Variants in SLC44A5 observed in about 807,000 individuals in gnomAD.
SLC44A5 encodes solute carrier family 44 member 5.
SLC44A5 carries 57 observed loss-of-function variants against 101.8 expected under a neutral mutation model. The observed-to-expected ratio is 0.56, with a 90% CI of 0.45 to 0.70. The LOEUF (loss-of-function observed/expected upper bound fraction) is 0.70. SLC44A5 is among the 30% of genes least tolerant of loss of function. SLC44A5 has a pLI of 0.00. For missense variants in SLC44A5, 737 were observed against 853.1 expected, an observed-to-expected ratio of 0.86 and a Z score of 1.70; for synonymous variants, 281 against 290.9, an observed-to-expected ratio of 0.97 and a Z score of 0.35.
intron 1 of SLC44A5, among the ~76,000 whole-genome samples, chr1:75,545,324 T>G (rs1011242110): frequency 6.6e-6 from 1 of 152,164 alleles, no homozygotes; most frequent in Non-Finnish European, 1.5e-5. Flanking sequence ...ACATACGTGT[T>G]CATGTGTCTT....
At chr1:75,354,552 C>G (rs1242415293) in intron 3 of SLC44A5, among the ~76,000 whole-genome samples, 2 of 152,188 alleles carry the variant, frequency 1.3e-5, no homozygotes, top group Non-Finnish European at 2.9e-5. Flanking sequence ...GCTCCCAGAG[C>G]TTGGGGCCTT....
chr1:75,698,938 A>C, the SLC44A5 span, among the ~76,000 whole-genome samples: 1 of 152,152 alleles, frequency 6.6e-6, no homozygotes, highest in Non-Finnish European at 1.5e-5. Context: ...TGAAGCGAGA[A>C]GGGAAGTTTA....
chr1:75,450,066 AGAAAAAT>A (rs1436053413), intron 2 of SLC44A5, among the ~76,000 whole-genome samples: 1 of 152,212 alleles, frequency 6.6e-6, no homozygotes, highest in African/African-American at 2.4e-5. Flanking sequence ...TAATTCAAGA[AGAAAAAT>A]GAAAATCCAC....
the SLC44A5 span, chr1:75,642,075 G>A: frequency 1.6e-6 from 2 of 1,263,888 alleles, no homozygotes; most frequent in East Asian, 2.3e-5. Flanking sequence ...AAGAATCTGG[G>A]GGCTTCACTA....
chr1:75,328,132 C>G (rs1224538994), intron 4 of SLC44A5, among the ~76,000 whole-genome samples: 1 of 152,238 alleles, frequency 6.6e-6, no homozygotes, highest in East Asian at 1.9e-4. Context: ...ACCCACTGGT[C>G]TTCTGTCCAT....
At chr1:75,339,716 G>T in intron 3 of SLC44A5, 86 bp from the exon 4 acceptor site, 1 of 1,196,146 alleles carries the variant, frequency 8.4e-7, no homozygotes, top group Non-Finnish European at 1.2e-6. Context: ...CTACATATTG[G>T]TTAGTCCACT....
At chr1:75,617,941 T>C in the SLC44A5 span, among the ~76,000 whole-genome samples, 1 of 152,234 alleles carries the variant, frequency 6.6e-6, no homozygotes, top group Non-Finnish European at 1.5e-5. Flanking sequence ...TTTCATTTAA[T>C]CATGACCACA....
intron 2 of SLC44A5, among the ~76,000 whole-genome samples, chr1:75,463,302 C>G (rs867267581): frequency 5.3e-5 from 8 of 151,830 alleles, no homozygotes; most frequent in Admixed American, 2.6e-4. Context: ...CGCCTGTAGT[C>G]CCAGCTACTC....
chr1:75,367,535 T>C (rs993720221), intron 3 of SLC44A5, among the ~76,000 whole-genome samples: 6 of 152,188 alleles, frequency 3.9e-5, no homozygotes, highest in African/African-American at 1.4e-4. Flanking sequence ...TCCTGGATCA[T>C]GGCTCAGAGG....
At chr1:75,210,840 A>G (rs1490083557) in intron 23 of SLC44A5, among the ~76,000 whole-genome samples, 1 of 152,010 alleles carries the variant, frequency 6.6e-6, no homozygotes, top group East Asian at 1.9e-4. Flanking sequence ...TAAATTTTGT[A>G]TTTTTCTCTA....
intron 2 of SLC44A5, among the ~76,000 whole-genome samples, chr1:75,527,498 TAGAA>T (rs1043595489): frequency 1.3e-5 from 2 of 152,156 alleles, no homozygotes; most frequent in Non-Finnish European, 2.9e-5. Flanking sequence ...AATATTTTCT[TAGAA>T]AGGATTTCTA....
At chr1:75,224,572 G>A (rs1050932580) in intron 13 of SLC44A5, among the ~76,000 whole-genome samples, 1 of 150,370 alleles carries the variant, frequency 6.7e-6, no homozygotes, top group Non-Finnish European at 1.5e-5. Flanking sequence ...GTATGTATTT[G>A]TGTCTTTAAA....
chr1:75,640,965 G>A, the SLC44A5 span, among the ~76,000 whole-genome samples: 1 of 152,042 alleles, frequency 6.6e-6, no homozygotes, highest in Non-Finnish European at 1.5e-5. Flanking sequence ...AAGTGAAGAT[G>A]TGAGGAAGAA....
Position 75,559,422 on chromosome 1 carries a change from T to A in SLC44A5, c.-69-17906A>T, listed in dbSNP as rs576634288. Among the ~76,000 whole-genome samples, 8 of 152,214 alleles carry A rather than the reference T, an allele frequency of 5.3e-5. No homozygotes were observed. In the South Asian group the frequency reaches 1.7e-3, roughly 32 times the overall value. ...TTGGCTGGGACATAAAAAGGAAAGC[T>A]CTGGCTATCATGGTCAGTTAGCACC... On this transcript the variant is annotated intron_variant, in intron 1 of 23. Coordinates refer to ENST00000370859, the MANE Select transcript of SLC44A5 (RefSeq NM_001130058.2).
intron 3 of SLC44A5, among the ~76,000 whole-genome samples, chr1:75,380,680 G>A (rs1285230997): frequency 1.2e-5 from 1 of 82,856 alleles, no homozygotes; most frequent in Non-Finnish European, 2.1e-5. Flanking sequence ...TTCACCAGGA[G>A]AAAATCAGCT....
intron 2 of SLC44A5, among the ~76,000 whole-genome samples, chr1:75,403,654 A>G (rs1005083219): frequency 6.6e-6 from 1 of 152,082 alleles, no homozygotes; most frequent in African/African-American, 2.4e-5. Flanking sequence ...TAGCATTAAC[A>G]TCAACAAAAA....
intron 1 of SLC44A5, among the ~76,000 whole-genome samples, chr1:75,558,576 T>C (rs1401868985): frequency 1.3e-5 from 2 of 152,102 alleles, no homozygotes; most frequent in Admixed American, 6.6e-5. Flanking sequence ...TTAGCTGCTT[T>C]TTAAGAAGAA....
At chr1:75,705,636 C>T in the SLC44A5 span, among the ~76,000 whole-genome samples, 8 of 152,100 alleles carry the variant, frequency 5.3e-5, no homozygotes, top group Non-Finnish European at 8.8e-5. Flanking sequence ...TCCTCAGTCT[C>T]GCTAGAGGTA....
the SLC44A5 span, chr1:75,723,569 TTC>T: frequency 6.6e-6 from 1 of 152,180 alleles, no homozygotes; most frequent in Non-Finnish European, 1.5e-5. Flanking sequence ...CGTTCATCTT[TTC>T]TGTGTTTAAA....
Sources: allele counts gnomAD v4.1 joint callset (sites outside exome capture counted in the v4.1 genomes callset), GRCh38; gene constraint gnomAD v4.1.1; transcripts MANE v1.5; gene names NCBI Gene and HGNC (gene_info 2026-07-23, HGNC 2026-07-21).